CAMKMT: variants seen among roughly 807,000 people sequenced by gnomAD.
CAMKMT encodes CaM KMT.
Under a neutral mutation model 48.0 loss-of-function variants are expected in CAMKMT, and 53 were observed. That is an observed-to-expected ratio of 1.10 (90% CI 0.89 to 1.39). The LOEUF (loss-of-function observed/expected upper bound fraction) is 1.39, where lower values mean the gene tolerates loss of function less well. Among genes scored for constraint, CAMKMT ranks in the 40% most tolerant of loss-of-function variants. CAMKMT has a pLI of 0.00. For missense variants in CAMKMT, 428 were observed against 402.7 expected, an observed-to-expected ratio of 1.06 and a Z score of -0.54; for synonymous variants, 165 against 152.3, an observed-to-expected ratio of 1.08 and a Z score of -0.61.
intron 3 of CAMKMT, among the ~76,000 whole-genome samples, chr2:44,640,980 C>T (rs951400787): frequency 2.6e-5 from 4 of 152,150 alleles, no homozygotes; most frequent in Non-Finnish European, 5.9e-5. Context: ...CCACTTGGTT[C>T]CAGCGTCATG....
At chr2:44,508,024 A>C (rs1326007432) in intron 3 of CAMKMT, among the ~76,000 whole-genome samples, 1 of 152,152 alleles carries the variant, frequency 6.6e-6, no homozygotes, top group East Asian at 1.9e-4. Context: ...AATGTTTAGC[A>C]CTTATGGGCT....
chr2:44,588,038 C>T (rs1171212957), intron 3 of CAMKMT, among the ~76,000 whole-genome samples: 214 of 124,440 alleles, frequency 1.7e-3, no homozygotes, highest in Middle Eastern at 4.6e-3. Context: ...GCGAGGAGCG[C>T]CTCTTCCCCG....
At chr2:44,664,150 T>G (rs1255918291) in intron 3 of CAMKMT, among the ~76,000 whole-genome samples, 6 of 152,162 alleles carry the variant, frequency 3.9e-5, no homozygotes, top group Non-Finnish European at 8.8e-5. Context: ...AGCAGCAGAG[T>G]GGAAAGCACT....
chr2:44,480,756 T>A (rs1429929815), intron 3 of CAMKMT, among the ~76,000 whole-genome samples: 1 of 148,234 alleles, frequency 6.7e-6, no homozygotes, highest in Non-Finnish European at 1.5e-5. Context: ...CTGATCTCTT[T>A]GTATCAATTA....
intron 3 of CAMKMT, among the ~76,000 whole-genome samples, chr2:44,485,741 A>G (rs1170058828): frequency 2.0e-5 from 3 of 152,162 alleles, no homozygotes; most frequent in Non-Finnish European, 4.4e-5. Context: ...GGACCAACAT[A>G]TATGTGGTCC....
chr2:44,496,310 T>C (rs1487911534), intron 3 of CAMKMT, among the ~76,000 whole-genome samples: 1 of 152,200 alleles, frequency 6.6e-6, no homozygotes, highest in African/African-American at 2.4e-5. Flanking sequence ...TATTGCACAA[T>C]ATTGTCAATA....
At chr2:44,449,713 G>T (rs778479324) in intron 3 of CAMKMT, among the ~76,000 whole-genome samples, 1 of 152,122 alleles carries the variant, frequency 6.6e-6, no homozygotes, top group Non-Finnish European at 1.5e-5. Flanking sequence ...CTTAAAAACA[G>T]CAAGGAAATT....
intron 3 of CAMKMT, among the ~76,000 whole-genome samples, chr2:44,645,264 C>A (rs1036648199): frequency 2.6e-5 from 4 of 152,214 alleles, no homozygotes; most frequent in African/African-American, 9.6e-5. Flanking sequence ...GCCTTCGTGG[C>A]ATCACATAAC....
At chr2:44,495,559 CA>C (rs1669714405) in intron 3 of CAMKMT, among the ~76,000 whole-genome samples, 1 of 152,198 alleles carries the variant, frequency 6.6e-6, no homozygotes, top group African/African-American at 2.4e-5. Flanking sequence ...AAAATGTCAT[CA>C]CAATTCTGGT....
chr2:44,409,422 G>A (rs868794467), intron 3 of CAMKMT, among the ~76,000 whole-genome samples: 1 of 151,964 alleles, frequency 6.6e-6, no homozygotes, highest in Non-Finnish European at 1.5e-5. Context: ...ATTAGGTATT[G>A]GCTGGTTTTT....
chr2:44,563,732 T>G (rs1235789600), intron 3 of CAMKMT, among the ~76,000 whole-genome samples: 2 of 152,194 alleles, frequency 1.3e-5, no homozygotes, highest in African/African-American at 2.4e-5. Context: ...TGTTTGGTTT[T>G]CTGTCTTTGG....
intron 3 of CAMKMT, among the ~76,000 whole-genome samples, chr2:44,471,161 T>G (rs886410271): frequency 1.3e-5 from 2 of 151,892 alleles, no homozygotes; most frequent in African/African-American, 4.8e-5. Flanking sequence ...CACCTAAGTT[T>G]TGTATTTTTA....
At chr2:44,490,265 C>CT (rs950325258) in intron 3 of CAMKMT, among the ~76,000 whole-genome samples, 3 of 151,670 alleles carry the variant, frequency 2.0e-5, no homozygotes, top group African/African-American at 7.3e-5. Flanking sequence ...TTTTTCTTGT[C>CT]TTTTTCTTTC....
chr2:44,724,935 T>C (rs1228110724), intron 7 of CAMKMT, among the ~76,000 whole-genome samples: 4 of 152,300 alleles, frequency 2.6e-5, no homozygotes, highest in African/African-American at 9.6e-5. Flanking sequence ...TTTTGTTTTA[T>C]TGTCACAATA....
At chr2:44,620,494 T>G (rs1672120086) in intron 3 of CAMKMT, among the ~76,000 whole-genome samples, 1 of 152,202 alleles carries the variant, frequency 6.6e-6, no homozygotes, top group South Asian at 2.1e-4. Context: ...CCATTACACA[T>G]TTATGATTTT....
chr2:44,764,858 G>C (rs1251726867), intron 9 of CAMKMT, among the ~76,000 whole-genome samples: 5 of 152,158 alleles, frequency 3.3e-5, no homozygotes, highest in African/African-American at 7.2e-5. Context: ...GTAGTGGAGA[G>C]AGCATCAGTG....
intron 3 of CAMKMT, among the ~76,000 whole-genome samples, chr2:44,522,151 A>G (rs1671149428): frequency 6.6e-6 from 1 of 151,818 alleles, no homozygotes; most frequent in South Asian, 2.1e-4. Flanking sequence ...CTACAGGCAC[A>G]TGCCACCACT....
At chr2:44,382,217 A>G (rs1454224361) in intron 2 of CAMKMT, among the ~76,000 whole-genome samples, 1 of 152,086 alleles carries the variant, frequency 6.6e-6, no homozygotes, top group Non-Finnish European at 1.5e-5. Context: ...TGCTGGGATT[A>G]TAGGCGTGAG....
intron 3 of CAMKMT, among the ~76,000 whole-genome samples, chr2:44,542,537 A>ACACACACTCTCT: frequency 1.5e-5 from 1 of 67,886 alleles, no homozygotes; most frequent in South Asian, 4.7e-4. Flanking sequence ...ACACACACAC[A>ACACACACTCTCT]CTCTCTCTCT....
Sources: gnomAD v4.1 joint callset for allele counts (sites outside exome capture counted in the v4.1 genomes callset) on GRCh38, gnomAD v4.1.1 for gene constraint, MANE v1.5 for transcripts, NCBI Gene and HGNC (gene_info 2026-07-23, HGNC 2026-07-21) for gene names.